ITPK1: variants seen among roughly 807,000 people sequenced by gnomAD.
The protein encoded by ITPK1 is inositol 1,3,4-trisphosphate 5/6-kinase.
A neutral mutation model predicts 45.3 loss-of-function variants in ITPK1; 21 were observed. The observed-to-expected ratio is 0.46, with a 90% CI of 0.33 to 0.67. ITPK1 has a LOEUF of 0.67. Ranked by LOEUF, ITPK1 falls within the 30% of genes least tolerant of loss-of-function variation. The pLI, the probability that ITPK1 is intolerant of heterozygous loss-of-function variation, is 0.02. For synonymous variants in ITPK1, 258 were observed against 253.6 expected, an observed-to-expected ratio of 1.02 and a Z score of -0.16; for missense variants, 474 against 573.5, an observed-to-expected ratio of 0.83 and a Z score of 1.77.
At chr14:92,952,717 C>A (rs1023241242) in intron 8 of ITPK1, among the ~76,000 whole-genome samples, 1 of 152,220 alleles carries the variant, frequency 6.6e-6, no homozygotes, top group African/African-American at 2.4e-5. Flanking sequence ...ACTGGGGACC[C>A]GCAGAGGCAG....
chr14:92,950,386 C>G (rs951939768), intron 9 of ITPK1, among the ~76,000 whole-genome samples: 1 of 152,246 alleles, frequency 6.6e-6, no homozygotes, highest in Admixed American at 6.5e-5. Flanking sequence ...CTGCGGGCGT[C>G]CAGGAGGGGC....
In ITPK1 at chr14:93,047,582, C is replaced by A. The variant is rs745664200; in HGVS notation, c.120+29013G>T. Among the ~76,000 whole-genome samples, 7 of 152,320 alleles carry A rather than the reference C, an allele frequency of 4.6e-5. No homozygotes were observed. The East Asian group carries it at 1.4e-3, about 29-fold the overall frequency. On this transcript the variant is annotated intron_variant, in intron 3 of 10. Coordinates refer to ENST00000267615, the MANE Select transcript of ITPK1 (RefSeq NM_014216.6). ...CGATGCTCCCACAAGCCAAGGCGTGCCTGGGACTATGAGAAGCTGGCAGAG... is the reference window on the plus strand; with the variant it reads ...CGATGCTCCCACAAGCCAAGGCGTGACTGGGACTATGAGAAGCTGGCAGAG...
chr14:92,975,681 A>G (rs1885905095), intron 5 of ITPK1, among the ~76,000 whole-genome samples: 1 of 152,230 alleles, frequency 6.6e-6, no homozygotes, highest in African/African-American at 2.4e-5. Context: ...ATAGAACAAA[A>G]GGAAGGGTAA....
chr14:92,971,507 G>C (rs114068831), intron 5 of ITPK1, among the ~76,000 whole-genome samples: 6 of 152,316 alleles, frequency 3.9e-5, no homozygotes, highest in African/African-American at 1.4e-4. Context: ...AAAACTCGCC[G>C]TACTATTGTC....
intron 7 of ITPK1, among the ~76,000 whole-genome samples, chr14:92,959,790 G>C (rs140150912): frequency 6.6e-6 from 1 of 151,840 alleles, no homozygotes; most frequent in African/African-American, 2.4e-5. Flanking sequence ...CCAAATAAAA[G>C]AGTTCTGAGA....
intron 5 of ITPK1, among the ~76,000 whole-genome samples, chr14:92,990,794 C>T (rs1047070064): frequency 3.3e-5 from 5 of 152,186 alleles, no homozygotes; most frequent in Non-Finnish European, 7.3e-5. Context: ...AGACCCTTAT[C>T]CAAGGGCTCT....
intron 2 of ITPK1, among the ~76,000 whole-genome samples, chr14:93,101,528 T>G (rs1184387837): frequency 6.6e-6 from 1 of 152,112 alleles, no homozygotes; most frequent in African/African-American, 2.4e-5. Flanking sequence ...AGAGAGGAGC[T>G]GAAACACACC....
intron 2 of ITPK1, among the ~76,000 whole-genome samples, chr14:93,113,321 C>T (rs1892821808): frequency 6.6e-6 from 1 of 152,190 alleles, no homozygotes; most frequent in South Asian, 2.1e-4. Flanking sequence ...TCTGCAGGTC[C>T]AGCACGAGGA....
chr14:92,957,276 G>C (rs1488871631), intron 8 of ITPK1, among the ~76,000 whole-genome samples: 2 of 152,232 alleles, frequency 1.3e-5, no homozygotes, highest in African/African-American at 4.8e-5. Flanking sequence ...CAGCTGATTT[G>C]AACAAGCCAC....
intron 7 of ITPK1, among the ~76,000 whole-genome samples, chr14:92,959,555 G>A (rs1444594895): frequency 6.6e-6 from 1 of 152,206 alleles, no homozygotes; most frequent in Non-Finnish European, 1.5e-5. Context: ...AAAAACACGA[G>A]CAGCTCTGGA....
rs186069659 is a variant in ITPK1, at chr14:93,028,731, C to A, written c.121-11930G>T. Among the ~76,000 whole-genome samples, 92 of 152,342 alleles carry A rather than the reference C, an allele frequency of 6.0e-4. No homozygotes were observed. The South Asian group carries it at 0.014, about 24-fold the overall frequency. ...CTCCGGAACCTCAGCAATCACAGTT[C>A]CCATTGGATCTCCCACCTCTAACGC... On this transcript the variant is annotated intron_variant, in intron 3 of 10. Coordinates refer to ENST00000267615, the MANE Select transcript of ITPK1 (RefSeq NM_014216.6).
At chr14:92,952,231 G>A (rs377758842) in intron 8 of ITPK1, among the ~76,000 whole-genome samples, 122 of 152,286 alleles carry the variant, frequency 8.0e-4, no homozygotes, top group African/African-American at 2.8e-3. Context: ...AAAAGTAACC[G>A]ATGTAATGAG....
At chr14:93,059,988 A>T (rs1595178374) in intron 3 of ITPK1, among the ~76,000 whole-genome samples, 1 of 151,930 alleles carries the variant, frequency 6.6e-6, no homozygotes, top group East Asian at 1.9e-4. Context: ...ACTGCCGTAG[A>T]ACGCAGCATT....
chr14:93,001,285 C>G (rs1887340007), intron 4 of ITPK1, among the ~76,000 whole-genome samples: 2 of 146,106 alleles, frequency 1.4e-5, no homozygotes, highest in African/African-American at 5.2e-5. Context: ...GAGCAAGAAT[C>G]TGTCTCAGGA....
chr14:93,088,576 G>T (rs376214199), intron 2 of ITPK1, among the ~76,000 whole-genome samples: 2 of 151,966 alleles, frequency 1.3e-5, no homozygotes, highest in East Asian at 3.9e-4. Context: ...GGCTGGTCTC[G>T]AACTCCCAAC....
intron 3 of ITPK1, among the ~76,000 whole-genome samples, chr14:93,021,719 C>T (rs901306005): frequency 2.6e-5 from 4 of 152,092 alleles, no homozygotes; most frequent in Non-Finnish European, 5.9e-5. Context: ...AGTCTTTTCC[C>T]TGGCAAGAAC....
At chr14:93,049,352 T>G in intron 3 of ITPK1, among the ~76,000 whole-genome samples, 2 of 150,914 alleles carry the variant, frequency 1.3e-5, no homozygotes, top group South Asian at 4.2e-4. Context: ...TCAGAGGAGG[T>G]GAGGGGACAG....
At chr14:93,013,563 C>T (rs1461359390) in intron 4 of ITPK1, among the ~76,000 whole-genome samples, 1 of 152,168 alleles carries the variant, frequency 6.6e-6, no homozygotes, top group African/African-American at 2.4e-5. Context: ...AAACCACTTC[C>T]TCCTCCCTCC....
At chr14:93,096,518 C>T (rs1892087918) in intron 2 of ITPK1, among the ~76,000 whole-genome samples, 1 of 152,214 alleles carries the variant, frequency 6.6e-6, no homozygotes, top group African/African-American at 2.4e-5. Context: ...TGCCTGTAAA[C>T]AGCTCTGCAG....
Sources: gnomAD v4.1 joint callset for allele counts (sites outside exome capture counted in the v4.1 genomes callset) on GRCh38, gnomAD v4.1.1 for gene constraint, MANE v1.5 for transcripts, NCBI Gene and HGNC (gene_info 2026-07-23, HGNC 2026-07-21) for gene names.